CCSER1: variants seen among roughly 807,000 people sequenced by gnomAD.
The protein encoded by CCSER1 is serine-rich coiled-coil domain-containing protein 1.
A neutral mutation model predicts 82.0 loss-of-function variants in CCSER1; 41 were observed. The observed-to-expected ratio is 0.50, with a 90% CI of 0.39 to 0.65. CCSER1 has a LOEUF of 0.65. CCSER1 is among the 30% of genes least tolerant of loss of function. The pLI, the probability that CCSER1 is intolerant of heterozygous loss-of-function variation, is 0.00. For synonymous variants in CCSER1, 414 were observed against 383.9 expected (o/e 1.08, Z -0.92); for missense variants, 1,119 against 1,064.2 (o/e 1.05, Z -0.72).
At chr4:91,419,937 A>G (rs939628283) in intron 10 of CCSER1, among the ~76,000 whole-genome samples, 1 of 152,108 alleles carries the variant, frequency 6.6e-6, no homozygotes, top group Non-Finnish European at 1.5e-5. Flanking sequence ...AGCACCAAGA[A>G]TACACGTTAG....
intron 10 of CCSER1, among the ~76,000 whole-genome samples, chr4:91,118,131 A>G (rs1726785364): frequency 2.6e-5 from 4 of 152,104 alleles, no homozygotes; most frequent in Admixed American, 2.0e-4. Context: ...CGTTGATACT[A>G]TGTTAAGGAA....
intron 9 of CCSER1, among the ~76,000 whole-genome samples, chr4:91,085,177 AATT>A (rs895589560): frequency 8.6e-5 from 13 of 151,992 alleles, no homozygotes; most frequent in Admixed American, 1.3e-4. Flanking sequence ...GCAAATATAT[AATT>A]ATTATTATGT....
intron 8 of CCSER1, among the ~76,000 whole-genome samples, chr4:90,863,639 T>C (rs1396422060): frequency 1.3e-5 from 2 of 151,740 alleles, no homozygotes; most frequent in Non-Finnish European, 2.9e-5. Flanking sequence ...ATATTGTTAT[T>C]ATCCAAAATA....
chr4:91,338,166 T>A (rs1747450978), intron 10 of CCSER1, among the ~76,000 whole-genome samples: 1 of 152,154 alleles, frequency 6.6e-6, no homozygotes, highest in Non-Finnish European at 1.5e-5. Context: ...TTTCTTTCTC[T>A]CTGGCCTAGA....
intron 10 of CCSER1, among the ~76,000 whole-genome samples, chr4:91,372,229 A>G (rs993097024): frequency 6.6e-6 from 1 of 152,092 alleles, no homozygotes; most frequent in Non-Finnish European, 1.5e-5. Context: ...CACTGCTCCT[A>G]CTTGGAAGGA....
intron 9 of CCSER1, among the ~76,000 whole-genome samples, chr4:90,954,266 A>G (rs369411812): frequency 6.6e-6 from 1 of 152,016 alleles, no homozygotes; most frequent in East Asian, 1.9e-4. Flanking sequence ...CTCAAAGTAA[A>G]AAGATTCTGT....
At chr4:90,551,541 G>A (rs1777475427) in intron 5 of CCSER1, among the ~76,000 whole-genome samples, 1 of 151,568 alleles carries the variant, frequency 6.6e-6, no homozygotes, top group South Asian at 2.1e-4. Context: ...GCATCCTTTA[G>A]GTTTCACTTT....
chr4:90,624,609 C>G (rs1273241199), intron 5 of CCSER1, among the ~76,000 whole-genome samples: 1 of 152,110 alleles, frequency 6.6e-6, no homozygotes, highest in African/African-American at 2.4e-5. Context: ...AGCCAGTTCA[C>G]CATCGTAGTT....
At chr4:90,197,519 G>A (rs748518319) in intron 1 of CCSER1, among the ~76,000 whole-genome samples, 1 of 152,040 alleles carries the variant, frequency 6.6e-6, no homozygotes, top group African/African-American at 2.4e-5. Flanking sequence ...GACAAGATTT[G>A]GAAACAACCT....
chr4:90,216,143 C>T (rs1027143723), intron 1 of CCSER1, among the ~76,000 whole-genome samples: 2 of 152,180 alleles, frequency 1.3e-5, no homozygotes, highest in African/African-American at 4.8e-5. Context: ...CTTGAATCAG[C>T]ACCGTCTGCA....
intron 8 of CCSER1, among the ~76,000 whole-genome samples, chr4:90,826,989 C>A (rs1760551803): frequency 6.6e-6 from 1 of 152,108 alleles, no homozygotes; most frequent in South Asian, 2.1e-4. Flanking sequence ...TTATGTGAAA[C>A]TGGAAATGAG....
chr4:91,395,011 C>G (rs1751883788), intron 10 of CCSER1, among the ~76,000 whole-genome samples: 1 of 152,014 alleles, frequency 6.6e-6, no homozygotes, highest in Admixed American at 6.6e-5. Flanking sequence ...ATGTAAAGTA[C>G]TAATATATCT....
intron 7 of CCSER1, among the ~76,000 whole-genome samples, chr4:90,775,520 C>T (rs1277755198): frequency 6.6e-6 from 1 of 152,120 alleles, no homozygotes; most frequent in Non-Finnish European, 1.5e-5. Context: ...GTTTTATCTT[C>T]ATTGTAAGTT....
At chr4:90,695,991 T>A (rs1736937163) in intron 6 of CCSER1, among the ~76,000 whole-genome samples, 2 of 152,094 alleles carry the variant, frequency 1.3e-5, no homozygotes, top group African/African-American at 4.8e-5. Context: ...AAATTTTTAA[T>A]GAATAAAAGT....
chr4:90,979,281 C>T (rs746685796), intron 9 of CCSER1, among the ~76,000 whole-genome samples: 3 of 151,484 alleles, frequency 2.0e-5, no homozygotes, highest in Admixed American at 1.3e-4. Context: ...TTCATTCATT[C>T]AGTCATTCAT....
At chr4:91,507,460 G>A (rs1014375123) in intron 10 of CCSER1, among the ~76,000 whole-genome samples, 7 of 151,578 alleles carry the variant, frequency 4.6e-5, no homozygotes, top group Non-Finnish European at 8.8e-5. Flanking sequence ...ACAGAGTATC[G>A]CTCTGTTGCC....
chr4:90,505,761 G>A (rs534207911), intron 5 of CCSER1, among the ~76,000 whole-genome samples: 89 of 152,236 alleles, frequency 5.8e-4, no homozygotes, highest in Non-Finnish European at 9.8e-4. Flanking sequence ...ATTATAATTT[G>A]CATATAATGA....
chr4:90,138,650 G>A (rs1404425098), intron 1 of CCSER1, among the ~76,000 whole-genome samples: 1 of 152,094 alleles, frequency 6.6e-6, no homozygotes, highest in African/African-American at 2.4e-5. Flanking sequence ...AGGAGAGTTG[G>A]TTTTGTCACT....
chr4:91,105,444 G>T (rs942022956), intron 10 of CCSER1, among the ~76,000 whole-genome samples: 2 of 151,864 alleles, frequency 1.3e-5, no homozygotes, highest in African/African-American at 4.8e-5. Context: ...AGTGGCTCAT[G>T]CCTGTAATCC....
Sources: gnomAD v4.1 joint callset for allele counts (sites outside exome capture counted in the v4.1 genomes callset) on GRCh38, gnomAD v4.1.1 for gene constraint, MANE v1.5 for transcripts, NCBI Gene and HGNC (gene_info 2026-07-23, HGNC 2026-07-21) for gene names.